Variants in PRKCE observed in about 807,000 individuals in gnomAD.
The protein encoded by PRKCE is protein kinase C epsilon type.
In PRKCE, 16 loss-of-function variants were observed where a neutral mutation model predicts 85.4. That is an observed-to-expected ratio of 0.19 (90% CI 0.13 to 0.28). The LOEUF is 0.28. Among genes scored for constraint, PRKCE ranks in the 10% least tolerant of loss-of-function variants. The pLI is 1.00. For synonymous variants in PRKCE, 388 were observed against 371.5 expected (o/e 1.04, Z -0.51); for missense variants, 573 against 975.2 (o/e 0.59, Z 5.49).
intron 1 of PRKCE, among the ~76,000 whole-genome samples, chr2:45,740,646 C>T (rs1426761146): frequency 1.3e-5 from 2 of 152,206 alleles, no homozygotes; most frequent in Non-Finnish European, 2.9e-5. Context: ...TTTTTGTATT[C>T]CCCATTCTCT....
At chr2:45,915,577 CAAAT>C (rs1372994256) in intron 2 of PRKCE, among the ~76,000 whole-genome samples, 1 of 152,160 alleles carries the variant, frequency 6.6e-6, no homozygotes, top group African/African-American at 2.4e-5. Flanking sequence ...AGACAAAGGA[CAAAT>C]GAAAGGTCCT....
chr2:45,995,703 G>A (rs1425576476), intron 6 of PRKCE, among the ~76,000 whole-genome samples: 1 of 152,076 alleles, frequency 6.6e-6, no homozygotes, highest in African/African-American at 2.4e-5. Context: ...TGATCTATTT[G>A]TCTGTTCCAT....
intron 14 of PRKCE, among the ~76,000 whole-genome samples, chr2:46,181,050 C>G (rs1175454783): frequency 6.6e-6 from 1 of 152,210 alleles, no homozygotes; most frequent in Non-Finnish European, 1.5e-5. Context: ...GCAGGGATGA[C>G]TGAGGATCAG....
chr2:45,820,604 A>G (rs1033033673), intron 1 of PRKCE, among the ~76,000 whole-genome samples: 1 of 152,118 alleles, frequency 6.6e-6, no homozygotes, highest in Non-Finnish European at 1.5e-5. Flanking sequence ...CACAGAGTTG[A>G]AGATTTTTTA....
chr2:46,091,552 C>T (rs77954199), intron 11 of PRKCE, among the ~76,000 whole-genome samples: 3,097 of 152,250 alleles, frequency 0.02, 52 homozygotes, highest in Non-Finnish European at 0.028. Flanking sequence ...AAGCCAGGAG[C>T]GCTGTGCAGC....
intron 2 of PRKCE, among the ~76,000 whole-genome samples, chr2:45,885,937 C>A (rs1406376257): frequency 6.6e-6 from 1 of 152,206 alleles, no homozygotes; most frequent in Non-Finnish European, 1.5e-5. Flanking sequence ...GCTCTTTTGA[C>A]AATGTAAATC....
At chr2:46,164,579 G>C (rs564275423) in intron 14 of PRKCE, among the ~76,000 whole-genome samples, 8 of 152,330 alleles carry the variant, frequency 5.3e-5, no homozygotes, top group Admixed American at 2.0e-4. Context: ...CTGAATCTGG[G>C]TGACCCGGGG....
chr2:45,681,644 C>G (rs1676912823), intron 1 of PRKCE, among the ~76,000 whole-genome samples: 1 of 152,204 alleles, frequency 6.6e-6, no homozygotes, highest in Non-Finnish European at 1.5e-5. Context: ...CTGATTATCT[C>G]TACCTGGGCC....
At chr2:45,867,389 T>G (rs1037282920) in intron 2 of PRKCE, among the ~76,000 whole-genome samples, 1 of 152,208 alleles carries the variant, frequency 6.6e-6, no homozygotes, top group Non-Finnish European at 1.5e-5. Context: ...CCATGCAAGA[T>G]TTGGGATATA....
At chr2:45,802,686 G>A (rs1265703752) in intron 1 of PRKCE, among the ~76,000 whole-genome samples, 2 of 152,194 alleles carry the variant, frequency 1.3e-5, no homozygotes, top group South Asian at 2.1e-4. Flanking sequence ...TTCACAGCCC[G>A]GGATTTGACA....
chr2:46,138,233 C>T lies in PRKCE; in HGVS notation c.1593-6860C>T, dbSNP rs80131387. ...CTGGTAGAGTCTGTGATCCCTTGTG[C>T]TCCATGTTCTCCTCACCACAAAGAT... is the stretch of plus-strand genomic sequence containing the variant. On this transcript the variant is annotated intron_variant, in intron 11 of 14. Transcript: ENST00000306156. The surrounding 1 kb of genome is among the most constrained non-coding windows in gnomAD (Gnocchi z 4.2). Among the ~76,000 whole-genome samples the T allele has an allele frequency of 5.9e-5, 9 of 152,302 alleles. No individual in the cohort carries two copies. The highest frequency in any genetic ancestry group is 1.3e-4 in the Non-Finnish European group (9 of 68,024).
intron 10 of PRKCE, among the ~76,000 whole-genome samples, chr2:46,085,547 T>A (rs1286404212): frequency 6.6e-6 from 1 of 152,148 alleles, no homozygotes; most frequent in Non-Finnish European, 1.5e-5. Flanking sequence ...GCTGTCTGCA[T>A]CCTTTGGCTT....
chr2:46,086,460 C>G, intron 11 of PRKCE, 98 bp downstream of exon 11: 1 of 1,394,902 alleles, frequency 7.2e-7, no homozygotes, highest in Non-Finnish European at 9.7e-7. Flanking sequence ...CGTCTCTTAG[C>G]AACCTGCTTT....
intron 12 of PRKCE, among the ~76,000 whole-genome samples, chr2:46,146,621 G>T (rs1015122856): frequency 1.3e-5 from 2 of 152,204 alleles, no homozygotes; most frequent in African/African-American, 4.8e-5. Flanking sequence ...AACAGGATTG[G>T]AACGGGGGCA....
intron 11 of PRKCE, among the ~76,000 whole-genome samples, chr2:46,121,327 G>T (rs1673292678): frequency 1.3e-5 from 2 of 152,028 alleles, no homozygotes; most frequent in African/African-American, 4.8e-5. Context: ...ATTGTTTATG[G>T]CCTCTTGGGG....
chr2:45,681,127 A>G (rs971641226), intron 1 of PRKCE, among the ~76,000 whole-genome samples: 2 of 151,884 alleles, frequency 1.3e-5, no homozygotes, highest in African/African-American at 2.4e-5. Context: ...CGTCTCTACT[A>G]AAAATACAAA....
intron 11 of PRKCE, among the ~76,000 whole-genome samples, chr2:46,134,156 G>A (rs1320739619): frequency 6.6e-6 from 1 of 152,082 alleles, no homozygotes; most frequent in Non-Finnish European, 1.5e-5. Flanking sequence ...GGCTGCTTGG[G>A]GCCACGATCT....
intron 2 of PRKCE, among the ~76,000 whole-genome samples, chr2:45,970,165 G>C (rs2104486942): frequency 6.6e-6 from 1 of 152,320 alleles, no homozygotes. Context: ...AACTGGCATT[G>C]CCTGTAGCAG....
intron 1 of PRKCE, among the ~76,000 whole-genome samples, chr2:45,756,288 A>C (rs1303215274): frequency 6.6e-6 from 1 of 152,198 alleles, no homozygotes; most frequent in Non-Finnish European, 1.5e-5. Context: ...AGAGAGGAAG[A>C]AGAGGATTAA....
Sources: allele counts gnomAD v4.1 joint callset (sites outside exome capture counted in the v4.1 genomes callset), GRCh38; gene constraint gnomAD v4.1.1; non-coding constraint Gnocchi (gnomAD v3.1); transcripts MANE v1.5; gene names NCBI Gene and HGNC (gene_info 2026-07-23, HGNC 2026-07-21).